NUDT21: variants seen among roughly 807,000 people sequenced by gnomAD.
NUDT21 encodes the protein cleavage and polyadenylation specificity factor subunit 5.
A neutral mutation model predicts 29.8 loss-of-function variants in NUDT21; 5 were observed. The ratio of observed to expected loss-of-function variants is 0.17; its 90% CI spans 0.09 to 0.35. The LOEUF is 0.35. Ranked by LOEUF, NUDT21 falls within the 10% of genes least tolerant of loss-of-function variation. The pLI, the probability that NUDT21 is intolerant of heterozygous loss-of-function variation, is 1.00. For synonymous variants in NUDT21, 113 were observed against 98.5 expected, an observed-to-expected ratio of 1.15 and a Z score of -0.87; for missense variants, 76 against 276.0, an observed-to-expected ratio of 0.28 and a Z score of 5.13.
chr16:56,450,515 G>A (rs1349680112), intron 1 of NUDT21, among the ~76,000 whole-genome samples: 3 of 152,192 alleles, frequency 2.0e-5, no homozygotes, highest in Admixed American at 6.5e-5. Context: ...CAGACGACGC[G>A]AAGGCATAAG....
intron 3 of NUDT21, among the ~76,000 whole-genome samples, chr16:56,445,239 T>C (rs1254064722): frequency 6.6e-6 from 1 of 152,170 alleles, no homozygotes; most frequent in Non-Finnish European, 1.5e-5. Flanking sequence ...GTATATGGGA[T>C]GCTTAACTGG....
intron 3 of NUDT21, among the ~76,000 whole-genome samples, chr16:56,443,278 C>T (rs1243761152): frequency 2.0e-5 from 3 of 151,686 alleles, no homozygotes; most frequent in Non-Finnish European, 4.4e-5. Flanking sequence ...CTGGGTTCAA[C>T]TGATTCTCCT....
chr16:56,430,584 G>C lies in NUDT21; in HGVS notation c.*2128C>G, dbSNP rs1472712450. The C allele has an allele frequency of 6.6e-6, 1 of 152,196 alleles. No individual in the cohort carries two copies. The highest frequency in any genetic ancestry group is 1.5e-5 in the Non-Finnish European group (1 of 68,040). 9.4% of individuals were successfully genotyped at this position (152,196 alleles called of 1,614,324 possible). On this transcript the variant is annotated 3_prime_UTR_variant, in exon 7 of 7. Transcript: ENST00000300291. Reference sequence around the variant, plus strand: ...CAGTTTCTGGAAGTATTAGAACTTAGTGTTAAACAGTGCCCTTATACCCTC... The same window carrying C: ...CAGTTTCTGGAAGTATTAGAACTTACTGTTAAACAGTGCCCTTATACCCTC...
chr16:56,432,814 G>A (rs1962050197), intron 6 of NUDT21, 81 bp from the exon 7 acceptor site: 2 of 1,028,262 alleles, frequency 1.9e-6, no homozygotes, highest in Non-Finnish European at 2.9e-6. Flanking sequence ...TTATCTGGAT[G>A]TTTCTGCCCT....
chr16:56,439,820 ATTC>A, intron 3 of NUDT21, 74 bp from the exon 4 acceptor site: 2 of 1,193,872 alleles, frequency 1.7e-6, no homozygotes, highest in Admixed American at 3.4e-5. Context: ...TGAACAGAAA[ATTC>A]TTAGCAGTGC....
chr16:56,446,470 C>T, intron 3 of NUDT21, 156 bp downstream of exon 3: 1 of 519,178 alleles, frequency 1.9e-6, no homozygotes, highest in Non-Finnish European at 3.4e-6. Context: ...GTAACTTCAA[C>T]TTGTAAAAAA....
At chr16:56,439,297 G>A in intron 4 of NUDT21, 1 of 173,828 alleles carries the variant, frequency 5.8e-6, no homozygotes, top group East Asian at 1.6e-4. Flanking sequence ...TCAGCCTCCG[G>A]AGTAGCTGGG....
In NUDT21 at chr16:56,431,852, A is replaced by G. The variant is rs1386765578; in HGVS notation, c.*860T>C. 6.6e-6 allele frequency: 1 copy of G among 152,194 alleles called. No homozygotes were observed. The highest frequency in any genetic ancestry group is 2.4e-5 in the African/African-American group (1 of 41,444). 9.4% of individuals were successfully genotyped at this position (152,194 alleles called of 1,614,324 possible). A position where few individuals can be genotyped will look rare whatever the true frequency, so the allele number is the denominator to read the frequency against. On this transcript the variant is annotated 3_prime_UTR_variant, in exon 7 of 7. Transcript: ENST00000300291. The stretch of plus-strand genomic sequence containing the variant: ...TTTTGAAGGCTCTGTCATTTGCTAA[A>G]ACCAAATTTTCTTCTCTATGTACAC...
At chr16:56,445,359 G>A (rs182013313) in intron 3 of NUDT21, among the ~76,000 whole-genome samples, 3 of 152,234 alleles carry the variant, frequency 2.0e-5, no homozygotes, top group Non-Finnish European at 4.4e-5. Flanking sequence ...GGCATGCAAT[G>A]CGTAATATTC....
intron 4 of NUDT21, among the ~76,000 whole-genome samples, chr16:56,435,702 G>A (rs1962089639): frequency 8.1e-6 from 1 of 122,744 alleles, no homozygotes; most frequent in African/African-American, 3.1e-5. Context: ...CTCCAGCCTG[G>A]GCAACAGAGT....
rs1962019466 is a variant in NUDT21 at position 56,430,327 on chromosome 16, T to A, written c.*2385A>T. ...CAATTGTATAAACCTTTATAGTTTT[T>A]CCCCCTAATCTACTAAACATATTCC... On this transcript the variant is annotated 3_prime_UTR_variant, in exon 7 of 7. Coordinates refer to ENST00000300291, the MANE Select transcript of NUDT21 (RefSeq NM_007006.3). The A allele has an allele frequency of 1.3e-5, 2 of 152,206 alleles. No homozygotes were observed. Among genetic ancestry groups the A allele is most frequent in the African/African-American group, 4.8e-5 (2 of 41,448 alleles). The allele number at this position is 152,206 out of a possible 1,614,324, so 9.4% of individuals were successfully genotyped here. A position where few individuals can be genotyped will look rare whatever the true frequency, so the allele number is the denominator to read the frequency against.
In NUDT21 at chr16:56,429,567, T is replaced by C. The variant is rs1372974903; in HGVS notation, c.*3145A>G. The C allele has an allele frequency of 6.6e-6, 1 of 152,196 alleles. No homozygotes were observed. The highest frequency in any genetic ancestry group is 2.4e-5 in the African/African-American group (1 of 41,438). The allele number at this position is 152,196 out of a possible 1,614,324, so 9.4% of individuals were successfully genotyped here. A position where few individuals can be genotyped will look rare whatever the true frequency, so the allele number is the denominator to read the frequency against. On this transcript the variant is annotated 3_prime_UTR_variant, in exon 7 of 7. Coordinates refer to ENST00000300291, the MANE Select transcript of NUDT21 (RefSeq NM_007006.3). ...ATGTGTTTTATGGCTCAAATCAAAT[T>C]ACAGTATTAGGTTTCTCATCACGAT...
chr16:56,439,783 T>C (rs751117566), intron 3 of NUDT21, 37 bp from the exon 4 acceptor site: 3 of 1,489,476 alleles, frequency 2.0e-6, no homozygotes, highest in South Asian at 2.3e-5. Context: ...CAACTAAATA[T>C]ATGTACTCAC....
chr16:56,433,268 G>A (rs1191656152), intron 6 of NUDT21, among the ~76,000 whole-genome samples: 1 of 152,174 alleles, frequency 6.6e-6, no homozygotes, highest in Admixed American at 6.5e-5. Flanking sequence ...CAGATTACTG[G>A]CACTGTTGTA....
Position 56,451,293 on chromosome 16 carries a change from G to A in NUDT21, c.-91C>T. ...GAAGCGGTTATCTGCAATCCCCTCA[G>A]CGGCTACTGCCCGCCATTAACAGGA... is the stretch of plus-strand genomic sequence containing the variant. On this transcript the variant is annotated 5_prime_UTR_variant, in exon 1 of 7. Coordinates refer to ENST00000300291, the MANE Select transcript of NUDT21 (RefSeq NM_007006.3). 7 of 985,460 alleles carry A rather than the reference G, an allele frequency of 7.1e-6. No individual in the cohort carries two copies. Among genetic ancestry groups the A allele is most frequent in the Non-Finnish European group, 1.1e-5 (7 of 661,320 alleles). 61.0% of individuals were successfully genotyped at this position (985,460 alleles called of 1,614,324 possible).
chr16:56,449,114 C>T (rs1962249936), intron 1 of NUDT21: 1 of 152,152 alleles, frequency 6.6e-6, no homozygotes, highest in Non-Finnish European at 1.5e-5. Context: ...CATAGAACGA[C>T]GTGCCAAGCA....
chr16:56,445,626 A>G (rs576411367), intron 3 of NUDT21, among the ~76,000 whole-genome samples: 6 of 152,154 alleles, frequency 3.9e-5, no homozygotes, highest in Admixed American at 6.5e-5. Flanking sequence ...CCCCACTTTC[A>G]TAAGTACCTA....
chr16:56,439,862 C>T, intron 3 of NUDT21, 116 bp from the exon 4 acceptor site: 1 of 778,344 alleles, frequency 1.3e-6, no homozygotes, highest in South Asian at 1.5e-5. Flanking sequence ...GATAATATGC[C>T]TTCCATACAG....
At position 56,431,702 on chromosome 16, in the gene NUDT21, A is replaced by T. The variant is rs1226907008; in HGVS notation, c.*1010T>A. The T allele has an allele frequency of 6.6e-6, 1 of 152,174 alleles. No individual in the cohort carries two copies. The highest frequency in any genetic ancestry group is 1.5e-5 in the Non-Finnish European group (1 of 68,018). 9.4% of individuals were successfully genotyped at this position (152,174 alleles called of 1,614,324 possible). A position where few individuals can be genotyped will look rare whatever the true frequency, so the allele number is the denominator to read the frequency against. On this transcript the variant is annotated 3_prime_UTR_variant, in exon 7 of 7. Coordinates refer to ENST00000300291, the MANE Select transcript of NUDT21 (RefSeq NM_007006.3). ...TTGCTCTAATATTTTTTATTCCCCC[A>T]AATTTGATCCGAATTTATCAGTATT...
Sources: gnomAD v4.1 joint callset for allele counts (sites outside exome capture counted in the v4.1 genomes callset) on GRCh38, gnomAD v4.1.1 for gene constraint, MANE v1.5 for transcripts, NCBI Gene and HGNC (gene_info 2026-07-23, HGNC 2026-07-21) for gene names.